FRYL: variants seen among roughly 807,000 people sequenced by gnomAD.
FRYL encodes FRY like transcription coactivator, also known as protein furry homolog-like.
A neutral mutation model predicts 351.2 loss-of-function variants in FRYL; 150 were observed. The ratio of observed to expected loss-of-function variants is 0.43; its 90% confidence interval spans 0.37 to 0.49. The LOEUF (loss-of-function observed/expected upper bound fraction) is 0.49. Among genes scored for constraint, FRYL ranks in the 20% least tolerant of loss-of-function variants. The pLI is 0.00. For missense variants in FRYL, 3,036 were observed against 3,619.3 expected (o/e 0.84, Z 4.13); for synonymous variants, 1,153 against 1,257.1 (o/e 0.92, Z 1.75).
chr4:48,777,350 A>G (rs1452775230), intron 1 of FRYL, among the ~76,000 whole-genome samples: 1 of 152,252 alleles, frequency 6.6e-6, no homozygotes. Context: ...TTAGTATAAA[A>G]TGTTCAGAAA....
At position 48,613,080 on chromosome 4, in the gene FRYL, C is replaced by T. The variant is rs530748653; in HGVS notation, c.412-3257G>A. ...TTAAATTTTGGAATATTCACATATA[C>T]ATAATGAACTATCTTGGGGATAAGA... is the stretch of plus-strand genomic sequence containing the variant. On this transcript the variant is annotated intron_variant, in intron 7 of 63. Coordinates refer to ENST00000358350, the MANE Select transcript of FRYL (RefSeq NM_015030.2). 2.0e-5 allele frequency among the ~76,000 whole-genome samples: 3 copies of T among 152,306 alleles called. No homozygotes were observed. In the East Asian group the frequency reaches 5.8e-4, roughly 29 times the overall value.
At chr4:48,516,626 C>T (rs1473505609) in intron 55 of FRYL, among the ~76,000 whole-genome samples, 1 of 152,186 alleles carries the variant, frequency 6.6e-6, no homozygotes, top group African/African-American at 2.4e-5. Context: ...TAACCCTAGA[C>T]TAGCCCAGGC....
intron 3 of FRYL, among the ~76,000 whole-genome samples, chr4:48,645,124 T>TATATATATATA (rs1756133820): frequency 2.4e-4 from 25 of 105,462 alleles, no homozygotes; most frequent in Non-Finnish European, 3.7e-4. Flanking sequence ...AGCTTTCATT[T>TATATATATATA]TATATATATA....
intron 14 of FRYL, 54 bp from the exon 15 acceptor site, chr4:48,595,752 G>A: frequency 7.9e-7 from 1 of 1,258,008 alleles, no homozygotes; most frequent in South Asian, 1.3e-5. Context: ...CAGCATATTA[G>A]CAAAAAATTC....
At chr4:48,716,013 A>G (rs1445278625) in intron 1 of FRYL, among the ~76,000 whole-genome samples, 1 of 152,218 alleles carries the variant, frequency 6.6e-6, no homozygotes, top group Non-Finnish European at 1.5e-5. Flanking sequence ...TGAGAAAAAC[A>G]AGCAATGGGG....
intron 47 of FRYL, among the ~76,000 whole-genome samples, chr4:48,539,464 G>A (rs1208441527): frequency 1.3e-5 from 2 of 152,126 alleles, no homozygotes; most frequent in African/African-American, 4.8e-5. Flanking sequence ...AGTCAGCTTA[G>A]ATATCACTTC....
chr4:48,734,011 G>A (rs1305051107), intron 1 of FRYL, among the ~76,000 whole-genome samples: 1 of 151,638 alleles, frequency 6.6e-6, no homozygotes, highest in Non-Finnish European at 1.5e-5. Context: ...AAAGAACAAG[G>A]GCAACAAATA....
At chr4:48,772,907 T>C (rs570949237) in intron 1 of FRYL, among the ~76,000 whole-genome samples, 52 of 152,308 alleles carry the variant, frequency 3.4e-4, no homozygotes, top group African/African-American at 1.1e-3. Flanking sequence ...GACGCTGAAA[T>C]AGAGGTGTAT....
chr4:48,646,718 G>A (rs1305396235), intron 3 of FRYL, among the ~76,000 whole-genome samples: 1 of 152,148 alleles, frequency 6.6e-6, no homozygotes, highest in Non-Finnish European at 1.5e-5. Context: ...ACAGCTGTCA[G>A]GTATCATATT....
chr4:48,617,335 AAAAAAAAAAAGATTTTTTTTTTTTTTTT>A (rs1749698704), intron 7 of FRYL, among the ~76,000 whole-genome samples: 1 of 146,514 alleles, frequency 6.8e-6, no homozygotes, highest in Non-Finnish European at 1.5e-5. Flanking sequence ...TCCACCAAAG[AAAAAAAAAAAGATTTTTTTTTTTTTTTT>A]AAAGAGACAG....
chr4:48,762,206 C>T (rs1774490140), intron 1 of FRYL, among the ~76,000 whole-genome samples: 1 of 152,166 alleles, frequency 6.6e-6, no homozygotes, highest in African/African-American at 2.4e-5. Flanking sequence ...GTCTAAGGTA[C>T]TTCGTTATTG....
At chr4:48,539,031 A>C (rs1448709473) in intron 47 of FRYL, among the ~76,000 whole-genome samples, 1 of 152,186 alleles carries the variant, frequency 6.6e-6, no homozygotes, top group Non-Finnish European at 1.5e-5. Flanking sequence ...GTTAAGAGCT[A>C]TAACACTTTT....
chr4:48,519,563 C>A (rs1225361444), intron 55 of FRYL, among the ~76,000 whole-genome samples: 1 of 150,616 alleles, frequency 6.6e-6, no homozygotes, highest in Non-Finnish European at 1.5e-5. Flanking sequence ...ACTGCAGTGG[C>A]GCGATCTCGG....
intron 2 of FRYL, among the ~76,000 whole-genome samples, chr4:48,686,704 G>A (rs960754124): frequency 1.3e-5 from 2 of 152,226 alleles, no homozygotes; most frequent in Non-Finnish European, 2.9e-5. Flanking sequence ...GTACCACCAT[G>A]TCTAGGTATT....
intron 1 of FRYL, among the ~76,000 whole-genome samples, chr4:48,731,573 T>G (rs1226750571): frequency 2.6e-5 from 4 of 152,152 alleles, no homozygotes; most frequent in Non-Finnish European, 4.4e-5. Context: ...ATGGTACTGG[T>G]ACCAAAACAG....
chr4:48,659,083 G>A (rs2149464832), intron 3 of FRYL, among the ~76,000 whole-genome samples: 3 of 152,200 alleles, frequency 2.0e-5, no homozygotes, highest in African/African-American at 7.2e-5. Flanking sequence ...AGGTGCAGTG[G>A]CTCACGCCTG....
chr4:48,533,586 T>C (rs912612139), intron 49 of FRYL, among the ~76,000 whole-genome samples: 6 of 152,198 alleles, frequency 3.9e-5, no homozygotes, highest in African/African-American at 1.4e-4. Context: ...AACTGGAGTA[T>C]AAACACAACA....
At position 48,586,734 on chromosome 4, in the gene FRYL, AAAT is replaced by A; in HGVS notation, c.1641-9_1641-7del. 2 of 1,551,628 alleles carry A rather than the reference AAAT, an allele frequency of 1.3e-6. No individual in the cohort carries two copies. Among genetic ancestry groups the A allele is most frequent in the Non-Finnish European group, 1.8e-6 (2 of 1,129,580 alleles). On this transcript the variant is annotated splice_polypyrimidine_tract_variant and splice_region_variant and intron_variant, in intron 18 of 63. Transcript: ENST00000358350. ...TCTTGGGTTTTCTTTCCCCCCTGAA[AAAT>A]ACAACAGGATTTAATAAGAAACATA...
intron 1 of FRYL, among the ~76,000 whole-genome samples, chr4:48,779,709 G>A (rs1560391969): frequency 6.6e-6 from 1 of 151,912 alleles, no homozygotes; most frequent in East Asian, 1.9e-4. Flanking sequence ...GGACGCGCGA[G>A]AAGGCGGCGC....
Sources: allele counts gnomAD v4.1 joint callset (sites outside exome capture counted in the v4.1 genomes callset), GRCh38; gene constraint gnomAD v4.1.1; transcripts MANE v1.5; gene names NCBI Gene and HGNC (gene_info 2026-07-23, HGNC 2026-07-21).